AHRR: variants seen among roughly 807,000 people sequenced by gnomAD.
The protein encoded by AHRR is aryl hydrocarbon receptor repressor, also known as ahR repressor.
In AHRR, 28 loss-of-function variants were observed where a neutral mutation model predicts 44.0. The ratio of observed to expected loss-of-function variants is 0.64; its 90% confidence interval spans 0.47 to 0.87. AHRR has a LOEUF of 0.87. Ranked by LOEUF, AHRR falls within the 40% of genes least tolerant of loss-of-function variation. AHRR has a pLI of 0.00. For missense variants in AHRR, 990 were observed against 953.9 expected (o/e 1.04, Z -0.50); for synonymous variants, 434 against 407.0 (o/e 1.07, Z -0.80).
chr5:417,973 G>A (rs1735902097), intron 5 of AHRR, among the ~76,000 whole-genome samples: 1 of 152,216 alleles, frequency 6.6e-6, no homozygotes, highest in Non-Finnish European at 1.5e-5. Flanking sequence ...AACGGCTTTA[G>A]GCGTATATTT....
intron 4 of AHRR, 28 bp from the exon 5 acceptor site, chr5:413,313 ATTT>A (rs3215229): frequency 5.3e-6 from 7 of 1,326,974 alleles, no homozygotes; most frequent in South Asian, 1.4e-5. Context: ...AGCCAATTCG[ATTT>A]TTTTTTTTGT....
Position 435,145 on chromosome 5 carries a change from G to A in AHRR, c.*311G>A, listed in dbSNP as rs1736952537. The stretch of plus-strand genomic sequence containing the variant: ...GACAGCTTCATGCCCCAGAGGCAGC[G>A]AGCACCCGTCCCATGGCTGCCAAGT... On this transcript the variant is annotated 3_prime_UTR_variant, in exon 11 of 11. Transcript: ENST00000684583. 5 of 335,708 alleles carry A rather than the reference G, an allele frequency of 1.5e-5. No homozygotes were observed. In the South Asian group the frequency reaches 1.5e-4, roughly 10 times the overall value. The allele number at this position is 335,708 out of a possible 1,614,324, so 20.8% of individuals were successfully genotyped here.
Position 388,939 on chromosome 5 carries a change from G to A in AHRR, c.351+12223G>A, listed in dbSNP as rs1361090396. Among the ~76,000 whole-genome samples, 1 of 152,142 alleles carries A rather than the reference G, an allele frequency of 6.6e-6. No homozygotes were observed. Among genetic ancestry groups the A allele is most frequent in the Non-Finnish European group, 1.5e-5 (1 of 68,022 alleles). On this transcript the variant is annotated intron_variant, in intron 4 of 10. Coordinates refer to ENST00000684583, the MANE Select transcript of AHRR (RefSeq NM_001377236.1). The surrounding 1 kb of genome is among the most constrained non-coding windows in gnomAD (Gnocchi z 5.2). ...CTCGCACAGGAGAGAAGATGGAGCC[G>A]AGTGAGGACCCAAGAGCAAAGGGCC...
At chr5:382,691 T>C (rs1734032680) in intron 4 of AHRR, among the ~76,000 whole-genome samples, 1 of 152,170 alleles carries the variant, frequency 6.6e-6, no homozygotes, top group South Asian at 2.1e-4. Context: ...AATTTCCTCT[T>C]CTTTTTCTAG....
At chr5:350,561 T>C (rs1466993146) in intron 2 of AHRR, among the ~76,000 whole-genome samples, 1 of 152,168 alleles carries the variant, frequency 6.6e-6, no homozygotes, top group Non-Finnish European at 1.5e-5. Flanking sequence ...CCCATCTCTC[T>C]GGCGCCCCCA....
At chr5:415,030 C>A (rs115313441) in intron 5 of AHRR, among the ~76,000 whole-genome samples, 1 of 152,212 alleles carries the variant, frequency 6.6e-6, no homozygotes, top group Non-Finnish European at 1.5e-5. Context: ...CTCAGTGGCA[C>A]GGGGTGGGGC....
At position 434,533 on chromosome 5, in the gene AHRR, G is replaced by T; in HGVS notation, c.1793G>T (p.Gly598Val). 6.2e-7 allele frequency: 1 copy of T among 1,610,626 alleles called. No homozygotes were observed. Residue 598 changes from glycine (G) to valine (V), a missense_variant, in exon 11 of 11, where the codon GGG (glycine) becomes GTG (valine). Coordinates refer to ENST00000684583, the MANE Select transcript of AHRR (RefSeq NM_001377236.1). Reference sequence around the variant, plus strand: ...GGCGTGCGGGGGGCTCAGCCCCATGGGAGGGCCACTGCTGGGCGCAGCAGG... The same window carrying T: ...GGCGTGCGGGGGGCTCAGCCCCATGTGAGGGCCACTGCTGGGCGCAGCAGG... The part of the protein sequence containing the change: ...GHGVRGAQPH[G>V]RATAGRSREL...
At chr5:393,221 C>T (rs1276115907) in intron 4 of AHRR, among the ~76,000 whole-genome samples, 5 of 152,184 alleles carry the variant, frequency 3.3e-5, no homozygotes, top group African/African-American at 7.2e-5. Context: ...GGGCCTGTGC[C>T]GGCACAGACG....
chr5:396,022 C>G (rs1489455671), intron 4 of AHRR, among the ~76,000 whole-genome samples: 1 of 152,198 alleles, frequency 6.6e-6, no homozygotes, highest in African/African-American at 2.4e-5. Flanking sequence ...GACCACAACT[C>G]AGGAGGCTCT....
intron 5 of AHRR, among the ~76,000 whole-genome samples, chr5:415,372 CGGG>C (rs1560915812): frequency 1.7e-5 from 2 of 118,898 alleles, no homozygotes; most frequent in African/African-American, 3.0e-5. Context: ...TCTCCCTGGT[CGGG>C]TGGGAGGCCT....
At chr5:426,604 AAGAT>A (rs879298145) in intron 7 of AHRR, among the ~76,000 whole-genome samples, 2 of 138,736 alleles carry the variant, frequency 1.4e-5, no homozygotes, top group Non-Finnish European at 3.1e-5. Context: ...GACAAATGGA[AAGAT>A]GGATGGATGG....
rs1359538108 is a variant in AHRR, at chr5:397,068, TAGCCCCTGACCATCCACG to T, written c.352-16275_352-16258del. Among the ~76,000 whole-genome samples the T allele has an allele frequency of 8.9e-4, 111 of 124,350 alleles. 13 individuals are homozygous for T. The highest frequency in any genetic ancestry group is 4.8e-3 in the Middle Eastern group (1 of 208). The allele number at this position is 124,350 out of a possible 152,430, so 81.6% of individuals were successfully genotyped here. On this transcript the variant is annotated intron_variant, in intron 4 of 10. Transcript: ENST00000684583. Reference sequence around the variant, plus strand: ...CCATGTTAGCCCCTGACCATCCACGTAGCCCCTGACCATCCACGTAGCCCCTGACCATCCACGTAGCCC... The same window carrying T: ...CCATGTTAGCCCCTGACCATCCACGTTAGCCCCTGACCATCCACGTAGCCC...
intron 1 of AHRR, among the ~76,000 whole-genome samples, chr5:328,134 G>A (rs1041611263): frequency 6.6e-6 from 1 of 151,814 alleles, no homozygotes; most frequent in Non-Finnish European, 1.5e-5. Flanking sequence ...TGATGGCTGT[G>A]GCAGTTCTAT....
intron 3 of AHRR, among the ~76,000 whole-genome samples, chr5:373,891 C>T (rs1192103907): frequency 1.3e-5 from 2 of 150,948 alleles, no homozygotes; most frequent in African/African-American, 2.4e-5. Context: ...CCTGGCTGGC[C>T]CCATCGCGTG....
chr5:379,247 G>C (rs374216005), intron 4 of AHRR, among the ~76,000 whole-genome samples: 2 of 151,998 alleles, frequency 1.3e-5, no homozygotes, highest in Non-Finnish European at 2.9e-5. Flanking sequence ...TAGGATTTGG[G>C]CTCATCCACG....
At chr5:345,091 T>G (rs1436902897) in intron 2 of AHRR, among the ~76,000 whole-genome samples, 2 of 69,920 alleles carry the variant, frequency 2.9e-5, no homozygotes, top group Non-Finnish European at 5.4e-5. Context: ...TGTGTGTGTG[T>G]GTGTGTCAGA....
chr5:429,944 G>A (rs72717415), intron 8 of AHRR, among the ~76,000 whole-genome samples: 40,223 of 152,114 alleles, frequency 0.26, 6,941 homozygotes, highest in Non-Finnish European at 0.39. Flanking sequence ...GCCTTGCCCC[G>A]GGTTACGGTT....
At chr5:343,271 CCACATACCTTTT>C in intron 1 of AHRR, among the ~76,000 whole-genome samples, 3 of 147,644 alleles carry the variant, frequency 2.0e-5, no homozygotes, top group African/African-American at 4.9e-5. Context: ...ACACGGGACC[CCACATACCTTTT>C]CGGGGTGACG....
chr5:421,257 G>C (rs947607112), intron 5 of AHRR: 2 of 697,568 alleles, frequency 2.9e-6, no homozygotes, highest in Non-Finnish European at 5.2e-6. Flanking sequence ...GCCACGGAGC[G>C]GATGCCGTGT....
Sources: allele counts gnomAD v4.1 joint callset (sites outside exome capture counted in the v4.1 genomes callset), GRCh38; gene constraint gnomAD v4.1.1; non-coding constraint Gnocchi (gnomAD v3.1); transcripts MANE v1.5; gene names NCBI Gene and HGNC (gene_info 2026-07-23, HGNC 2026-07-21).